Variants in BRMS1L observed in about 807,000 individuals in gnomAD.
BRMS1L encodes the protein breast cancer metastasis-suppressor 1-like protein.
BRMS1L carries 23 observed loss-of-function variants against 50.3 expected under a neutral mutation model. The ratio of observed to expected loss-of-function variants is 0.46; its 90% CI spans 0.33 to 0.65. The LOEUF (loss-of-function observed/expected upper bound fraction) is 0.65, where lower values mean the gene tolerates loss of function less well. Ranked by LOEUF, BRMS1L falls within the 30% of genes least tolerant of loss-of-function variation. BRMS1L has a pLI of 0.02. For synonymous variants in BRMS1L, 114 were observed against 126.9 expected, an observed-to-expected ratio of 0.90 and a Z score of 0.69; for missense variants, 286 against 386.1, an observed-to-expected ratio of 0.74 and a Z score of 2.17.
intron 4 of BRMS1L, among the ~76,000 whole-genome samples, chr14:35,839,010 T>C (rs968078180): frequency 6.6e-6 from 1 of 152,158 alleles, no homozygotes; most frequent in African/African-American, 2.4e-5. Flanking sequence ...TTAGGTCTTA[T>C]GTTTAAGTCT....
chr14:35,863,795 C>T, intron 5 of BRMS1L, 75 bp from the exon 6 acceptor site: 1 of 1,316,570 alleles, frequency 7.6e-7, no homozygotes, highest in Non-Finnish European at 1.1e-6. Flanking sequence ...TAAATAGCCA[C>T]CATAAAATTA....
chr14:35,870,946 A>T lies in BRMS1L; in HGVS notation c.*469A>T, dbSNP rs2078484616. On this transcript the variant is annotated 3_prime_UTR_variant, in exon 10 of 10. Transcript: ENST00000216807. ...AGAACTGAAATTTAAACATATATATATATGAGGATGTATATATGGCATCAT... is the reference window on the plus strand; with the variant it reads ...AGAACTGAAATTTAAACATATATATTTATGAGGATGTATATATGGCATCAT... 1 of 152,930 alleles carries T rather than the reference A, an allele frequency of 6.5e-6. No homozygotes were observed. The highest frequency in any genetic ancestry group is 2.4e-5 in the African/African-American group (1 of 41,460). 9.5% of individuals were successfully genotyped at this position (152,930 alleles called of 1,614,324 possible).
At chr14:35,829,728 GA>G in intron 1 of BRMS1L, 6 of 692,130 alleles carry the variant, frequency 8.7e-6, no homozygotes, top group South Asian at 7.0e-5. Context: ...TAGAAAATGA[GA>G]AAAAAATGAG....
Position 35,828,167 on chromosome 14 carries a change from CT to C in BRMS1L, c.142+1519del, listed in dbSNP as rs201992981. Among the ~76,000 whole-genome samples, 6 of 149,362 alleles carry C rather than the reference CT, an allele frequency of 4.0e-5. No homozygotes were observed. In the East Asian group the frequency reaches 5.9e-4, roughly 15 times the overall value. ...AGAAAAGAGTATTTCAGACATGTTG[CT>C]TTTTTTTTTCTTTTCTCTCTTTGAG... On this transcript the variant is annotated intron_variant, in intron 1 of 9. Coordinates refer to ENST00000216807, the MANE Select transcript of BRMS1L (RefSeq NM_032352.4).
At chr14:35,868,062 C>T (rs1249742471) in intron 9 of BRMS1L, 30 bp downstream of exon 9, 1 of 1,570,020 alleles carries the variant, frequency 6.4e-7, no homozygotes, top group African/African-American at 1.4e-5. Context: ...TTCAGTGTTG[C>T]TCAGTATTGT....
chr14:35,835,654 G>A (rs1302660423), intron 4 of BRMS1L, among the ~76,000 whole-genome samples: 2 of 152,154 alleles, frequency 1.3e-5, no homozygotes, highest in Non-Finnish European at 2.9e-5. Context: ...ACCAGTCTGG[G>A]CAACATAGTG....
At chr14:35,854,397 A>G (rs1189716549) in intron 4 of BRMS1L, among the ~76,000 whole-genome samples, 1 of 152,216 alleles carries the variant, frequency 6.6e-6, no homozygotes. Flanking sequence ...GCTTAAGAGC[A>G]AGTCTGCAGT....
intron 4 of BRMS1L, among the ~76,000 whole-genome samples, chr14:35,850,687 T>G (rs1398491912): frequency 6.6e-6 from 1 of 152,262 alleles, no homozygotes; most frequent in African/African-American, 2.4e-5. Flanking sequence ...GTTTCAGTTT[T>G]ATGTTTCAGC....
intron 4 of BRMS1L, among the ~76,000 whole-genome samples, chr14:35,855,078 G>GAA (rs2078263317): frequency 6.6e-6 from 1 of 152,214 alleles, no homozygotes; most frequent in Non-Finnish European, 1.5e-5. Context: ...AGAGATCCCA[G>GAA]TTCCAGTTCC....
In BRMS1L at chr14:35,826,486, C is replaced by G. The variant is rs766051846; in HGVS notation, c.-31C>G. 1.3e-5 allele frequency: 20 copies of G among 1,560,050 alleles called. No homozygotes were observed. In the African/African-American group the frequency reaches 2.7e-4, roughly 21 times the overall value. On this transcript the variant is annotated 5_prime_UTR_variant, in exon 1 of 10. Transcript: ENST00000216807. ...AAGCGGCGGTGGCCGGGCTGGGCGC[C>G]GGTAGTGGAAAGCGACGGCGCGGCT...
At chr14:35,843,751 G>A (rs111379065) in intron 4 of BRMS1L, among the ~76,000 whole-genome samples, 157 of 152,360 alleles carry the variant, frequency 1.0e-3, no homozygotes, top group African/African-American at 3.5e-3. Context: ...GAGCTGGCAG[G>A]CAGGAATATT....
At chr14:35,843,128 C>A (rs1192838951) in intron 4 of BRMS1L, among the ~76,000 whole-genome samples, 1 of 152,172 alleles carries the variant, frequency 6.6e-6, no homozygotes. Context: ...AGAACATGCT[C>A]CTTTAGCTTG....
intron 4 of BRMS1L, among the ~76,000 whole-genome samples, chr14:35,856,220 G>A (rs1037252055): frequency 2.0e-5 from 3 of 152,190 alleles, no homozygotes; most frequent in Non-Finnish European, 2.9e-5. Context: ...AACCACAGGG[G>A]CAAGAGGCAG....
At chr14:35,855,835 A>G (rs2078272617) in intron 4 of BRMS1L, among the ~76,000 whole-genome samples, 1 of 152,128 alleles carries the variant, frequency 6.6e-6, no homozygotes, top group African/African-American at 2.4e-5. Context: ...TAATCCTTTC[A>G]ACAACATTAT....
chr14:35,833,788 T>G (rs1292632369), intron 3 of BRMS1L, among the ~76,000 whole-genome samples: 1 of 152,182 alleles, frequency 6.6e-6, no homozygotes, highest in African/African-American at 2.4e-5. Context: ...TTCTCTTATG[T>G]GGCACTAATT....
At chr14:35,845,261 A>G (rs4982314) in intron 4 of BRMS1L, among the ~76,000 whole-genome samples, 29,950 of 152,166 alleles carry the variant, frequency 0.2, 3,121 homozygotes, top group East Asian at 0.36. Context: ...ATACAAAGTG[A>G]AATGGAAGCA....
At chr14:35,832,188 T>C (rs2142037301) in intron 2 of BRMS1L, among the ~76,000 whole-genome samples, 1 of 152,196 alleles carries the variant, frequency 6.6e-6, no homozygotes, top group South Asian at 2.1e-4. Flanking sequence ...ATTAGTCTAC[T>C]TCCTCTTTGC....
At chr14:35,839,054 A>G (rs1016199169) in intron 4 of BRMS1L, among the ~76,000 whole-genome samples, 1 of 152,026 alleles carries the variant, frequency 6.6e-6, no homozygotes, top group Non-Finnish European at 1.5e-5. Flanking sequence ...TGTATAAGGT[A>G]TAAGGAAGGG....
In BRMS1L at chr14:35,826,419, C is replaced by T. The variant is rs2077842397; in HGVS notation, c.-98C>T. The T allele has an allele frequency of 2.0e-6, 3 of 1,526,524 alleles. No homozygotes were observed. Among genetic ancestry groups the T allele is most frequent in the Non-Finnish European group, 1.8e-6 (2 of 1,134,448 alleles). The allele number at this position is 1,526,524 out of a possible 1,614,324, so 94.6% of individuals were successfully genotyped here. A position where few individuals can be genotyped will look rare whatever the true frequency, so the allele number is the denominator to read the frequency against. ...GAGGAGCCAAGGGGGCGAGCAAGCT[C>T]GGTGGCTGGGTGGGTTGGGGCGTTC... On this transcript the variant is annotated 5_prime_UTR_variant, in exon 1 of 10. Coordinates refer to ENST00000216807, the MANE Select transcript of BRMS1L (RefSeq NM_032352.4).
Sources: allele counts gnomAD v4.1 joint callset (sites outside exome capture counted in the v4.1 genomes callset), GRCh38; gene constraint gnomAD v4.1.1; transcripts MANE v1.5; gene names NCBI Gene and HGNC (gene_info 2026-07-23, HGNC 2026-07-21).